Variants in USP7 observed in about 807,000 individuals in gnomAD.
The protein encoded by USP7 is ubiquitin C-terminal hydrolase 7.
USP7 carries 9 observed loss-of-function variants against 162.9 expected under a neutral mutation model. That is an observed-to-expected ratio of 0.06 (90% CI 0.03 to 0.10). The LOEUF is 0.10. Among genes scored for constraint, USP7 ranks in the 10% least tolerant of loss-of-function variants. The pLI, the probability that USP7 is intolerant of heterozygous loss-of-function variation, is 1.00. For synonymous variants in USP7, 562 were observed against 475.9 expected, an observed-to-expected ratio of 1.18 and a Z score of -2.35; for missense variants, 715 against 1,373.7, an observed-to-expected ratio of 0.52 and a Z score of 7.58.
chr16:8,949,208 T>C (rs1376341795), intron 1 of USP7, among the ~76,000 whole-genome samples: 1 of 152,208 alleles, frequency 6.6e-6, no homozygotes, highest in Non-Finnish European at 1.5e-5. Flanking sequence ...TTACCGAATT[T>C]TATCAAAAAG....
chr16:8,908,808 G>A (rs60023992), intron 11 of USP7, among the ~76,000 whole-genome samples: 5 of 152,192 alleles, frequency 3.3e-5, no homozygotes, highest in African/African-American at 1.2e-4. Context: ...GAGAACCACA[G>A]AAAAATCATT....
intron 1 of USP7, among the ~76,000 whole-genome samples, chr16:8,941,697 A>G (rs951339809): frequency 3.3e-5 from 5 of 152,154 alleles, no homozygotes; most frequent in African/African-American, 1.2e-4. Flanking sequence ...GTGAGGAGTG[A>G]GGGGACGGGC....
intron 1 of USP7, among the ~76,000 whole-genome samples, chr16:8,950,307 T>TA (rs951610516): frequency 1.8e-4 from 27 of 150,858 alleles, no homozygotes; most frequent in South Asian, 1.7e-3. Flanking sequence ...TTTTCTGCTC[T>TA]AAAAAAAAAG....
chr16:8,963,563 T>TGCG lies in USP7; in HGVS notation c.-281_-279dup, dbSNP rs1385252818. ...CGGGCCGGGCGGCCTCGTCGCTCGCTGCGGCCGCCGCCGCCGCCGCCGCGG... is the reference window on the plus strand; with the variant it reads ...CGGGCCGGGCGGCCTCGTCGCTCGCTGCGGCGGCCGCCGCCGCCGCCGCCGCGG... On this transcript the variant is annotated 5_prime_UTR_variant, in exon 1 of 31. Coordinates refer to ENST00000344836, the MANE Select transcript of USP7 (RefSeq NM_003470.3). The TGCG allele has an allele frequency of 3.9e-4, 7 of 18,012 alleles. No individual in the cohort carries two copies. Among genetic ancestry groups the TGCG allele is most frequent in the Non-Finnish European group, 9.7e-4 (7 of 7,194 alleles). The allele number at this position is 18,012 out of a possible 1,614,324, so 1.1% of individuals were successfully genotyped here.
rs1470637746 is a variant in USP7, at chr16:8,930,318, G to A, written c.159C>T (p.Asn53=). ...CATCCTCCATGTCCTCCTCCGCGGT[G>A]TTGTGTCCATCACTCAGGGCCACAT... ...NGNVALSDGH[N]TAEEDMEDDT... is the part of the protein sequence containing the mutation. Residue 53 remains asparagine, a synonymous_variant, in exon 2 of 31, where the codon AAC becomes AAT. Transcript: ENST00000344836. 1 of 1,613,566 alleles carries A rather than the reference G, an allele frequency of 6.2e-7. No homozygotes were observed. The highest frequency in any genetic ancestry group is 1.7e-5 in the Admixed American group (1 of 59,952).
intron 1 of USP7, among the ~76,000 whole-genome samples, chr16:8,945,895 G>A (rs905395466): frequency 2.6e-5 from 4 of 151,148 alleles, no homozygotes; most frequent in African/African-American, 9.7e-5. Context: ...CAAAAAAAAA[G>A]TAAAAATTAA....
intron 3 of USP7, among the ~76,000 whole-genome samples, chr16:8,922,001 T>G (rs1295391045): frequency 6.6e-6 from 1 of 152,216 alleles, no homozygotes; most frequent in Non-Finnish European, 1.5e-5. Flanking sequence ...CACTTCCTGC[T>G]TGCTCGGGAC....
At chr16:8,897,893 T>C (rs1397383163) in intron 25 of USP7, among the ~76,000 whole-genome samples, 1 of 150,696 alleles carries the variant, frequency 6.6e-6, no homozygotes, top group Non-Finnish European at 1.5e-5. Flanking sequence ...AGCGAGACCC[T>C]GTCTCGAAAA....
chr16:8,899,454 A>G (rs2141168585), intron 22 of USP7, 150 bp downstream of exon 22: 1 of 1,027,552 alleles, frequency 9.7e-7, no homozygotes, highest in Non-Finnish European at 1.4e-6. Flanking sequence ...CTCCCAAGGC[A>G]GAGAGCCTGA....
At chr16:8,956,311 G>C (rs929708511) in intron 1 of USP7, 1 of 152,202 alleles carries the variant, frequency 6.6e-6, no homozygotes, top group Admixed American at 6.5e-5. Context: ...TCACCACCTT[G>C]AGAATGGGCC....
chr16:8,945,937 T>A (rs893355730), intron 1 of USP7, among the ~76,000 whole-genome samples: 1 of 152,068 alleles, frequency 6.6e-6, no homozygotes, highest in South Asian at 2.1e-4. Flanking sequence ...AGAAATCACA[T>A]TACCTGATTA....
intron 1 of USP7, among the ~76,000 whole-genome samples, chr16:8,962,263 C>A (rs1022790028): frequency 3.3e-5 from 5 of 152,176 alleles, no homozygotes; most frequent in African/African-American, 1.2e-4. Flanking sequence ...GAACTCGTCA[C>A]GTAGGTAAGA....
chr16:8,945,881 C>T (rs2141255035), intron 1 of USP7, among the ~76,000 whole-genome samples: 1 of 151,364 alleles, frequency 6.6e-6, no homozygotes, highest in Admixed American at 6.6e-5. Context: ...CGAGACCCCA[C>T]TTCCAAAAAA....
chr16:8,956,882 G>A (rs1003509323), intron 1 of USP7, among the ~76,000 whole-genome samples: 2 of 152,024 alleles, frequency 1.3e-5, no homozygotes, highest in Middle Eastern at 3.2e-3. Flanking sequence ...GACTCCCAGC[G>A]CAGCCTCAGC....
At chr16:8,922,363 C>CT (rs1897740378) in intron 3 of USP7, among the ~76,000 whole-genome samples, 1 of 152,200 alleles carries the variant, frequency 6.6e-6, no homozygotes, top group African/African-American at 2.4e-5. Flanking sequence ...TGGCACACGC[C>CT]TATAGTCCCA....
chr16:8,946,018 C>T (rs1899257917), intron 1 of USP7, among the ~76,000 whole-genome samples: 2 of 152,156 alleles, frequency 1.3e-5, no homozygotes, highest in African/African-American at 4.8e-5. Context: ...AGTCCAGAAA[C>T]AGATCCCATT....
At chr16:8,928,490 T>C (rs377597905) in intron 2 of USP7, among the ~76,000 whole-genome samples, 26 of 152,254 alleles carry the variant, frequency 1.7e-4, no homozygotes, top group African/African-American at 6.0e-4. Context: ...TCCAACTTCC[T>C]AGAATCCTGT....
intron 1 of USP7, among the ~76,000 whole-genome samples, chr16:8,938,790 A>ATT (rs1898895921): frequency 1.1e-4 from 16 of 152,168 alleles, no homozygotes; most frequent in Non-Finnish European, 4.4e-5. Context: ...TTCCCAAAAC[A>ATT]ATAGTCTACC....
At chr16:8,898,049 C>T (rs529167913) in intron 25 of USP7, among the ~76,000 whole-genome samples, 3 of 151,952 alleles carry the variant, frequency 2.0e-5, no homozygotes, top group Non-Finnish European at 2.9e-5. Context: ...GAGATCAGGC[C>T]GCGGCAGGAA....
Sources: allele counts gnomAD v4.1 joint callset (sites outside exome capture counted in the v4.1 genomes callset), GRCh38; gene constraint gnomAD v4.1.1; transcripts MANE v1.5; gene names NCBI Gene and HGNC (gene_info 2026-07-23, HGNC 2026-07-21).